Variants in PRKCQ observed in about 807,000 individuals in gnomAD.
PRKCQ encodes protein kinase C theta.
Under a neutral mutation model 91.2 loss-of-function variants are expected in PRKCQ, and 41 were observed. The ratio of observed to expected loss-of-function variants is 0.45; its 90% CI spans 0.35 to 0.58. The LOEUF (loss-of-function observed/expected upper bound fraction) is 0.58. Ranked by LOEUF, PRKCQ falls within the 20% of genes least tolerant of loss-of-function variation. The pLI, the probability that PRKCQ is intolerant of heterozygous loss-of-function variation, is 0.00. For missense variants in PRKCQ, 673 were observed against 896.5 expected (o/e 0.75, Z 3.18); for synonymous variants, 307 against 316.9 (o/e 0.97, Z 0.33).
chr10:6,468,049 T>A (rs745681725), intron 12 of PRKCQ, among the ~76,000 whole-genome samples: 30 of 152,102 alleles, frequency 2.0e-4, no homozygotes, highest in Admixed American at 4.6e-4. Context: ...TTAAAAAAAA[T>A]GATGATTAAA....
chr10:6,458,707 C>T (rs2132315350), intron 14 of PRKCQ, among the ~76,000 whole-genome samples: 1 of 152,262 alleles, frequency 6.6e-6, no homozygotes, highest in African/African-American at 2.4e-5. Flanking sequence ...GGGACCATGA[C>T]ACTTGCCTTG....
At chr10:6,525,776 G>A (rs1053970783) in intron 1 of PRKCQ, among the ~76,000 whole-genome samples, 2 of 152,088 alleles carry the variant, frequency 1.3e-5, no homozygotes, top group African/African-American at 4.8e-5. Context: ...TCTTTGAGGG[G>A]GATCTGCTGG....
chr10:6,411,714 T>C, the PRKCQ span, among the ~76,000 whole-genome samples: 1 of 152,330 alleles, frequency 6.6e-6, no homozygotes, highest in Non-Finnish European at 1.5e-5. Context: ...AAATATTGGC[T>C]AAATTGTCCT....
intron 8 of PRKCQ, among the ~76,000 whole-genome samples, chr10:6,490,548 A>T (rs1169248041): frequency 6.8e-6 from 1 of 146,322 alleles, no homozygotes; most frequent in Non-Finnish European, 1.5e-5. Flanking sequence ...CAACATAGCA[A>T]GACCATACCT....
intron 12 of PRKCQ, among the ~76,000 whole-genome samples, chr10:6,466,854 G>T (rs1835681540): frequency 6.6e-6 from 1 of 152,096 alleles, no homozygotes; most frequent in South Asian, 2.1e-4. Flanking sequence ...AAACCAAGAA[G>T]AATGAGACTC....
chr10:6,571,741 T>C (rs1480865817), intron 1 of PRKCQ, among the ~76,000 whole-genome samples: 1 of 152,150 alleles, frequency 6.6e-6, no homozygotes, highest in East Asian at 1.9e-4. Flanking sequence ...GAGGCAGATG[T>C]TGCAGTGAGC....
the PRKCQ span, among the ~76,000 whole-genome samples, chr10:6,407,035 A>G: frequency 1.3e-5 from 2 of 152,242 alleles, no homozygotes; most frequent in African/African-American, 4.8e-5. This position sits in a 1 kb window ranked among gnomAD's most constrained non-coding sequence, Gnocchi z 4.0. Context: ...TCAATGAGTG[A>G]AGTTTAAAAA....
At chr10:6,422,396 T>G (rs1201059415), downstream of PRKCQ, among the ~76,000 whole-genome samples, 2 of 152,048 alleles carry the variant, frequency 1.3e-5, no homozygotes, top group Non-Finnish European at 2.9e-5. Flanking sequence ...ACATCGGGGG[T>G]GAGGCTGGGT....
chr10:6,579,052 G>A (rs185777296), intron 1 of PRKCQ, among the ~76,000 whole-genome samples: 58 of 152,306 alleles, frequency 3.8e-4, no homozygotes, highest in African/African-American at 1.3e-3. Context: ...CCTCTCTCAC[G>A]GAGCCTCACG....
intron 1 of PRKCQ, among the ~76,000 whole-genome samples, chr10:6,564,422 C>G (rs1241683562): frequency 6.6e-6 from 1 of 152,172 alleles, no homozygotes; most frequent in Non-Finnish European, 1.5e-5. Flanking sequence ...TGCCACTGTA[C>G]TGCTCGCCCA....
intron 17 of PRKCQ, among the ~76,000 whole-genome samples, chr10:6,429,904 G>GAGAT (rs966059625): frequency 1.1e-4 from 16 of 140,826 alleles, no homozygotes; most frequent in African/African-American, 3.8e-4. Flanking sequence ...TAATTTTGTA[G>GAGAT]AGATGGGGTT....
At chr10:6,507,120 T>C (rs1838237847) in intron 4 of PRKCQ, among the ~76,000 whole-genome samples, 1 of 152,232 alleles carries the variant, frequency 6.6e-6, no homozygotes, top group African/African-American at 2.4e-5. Flanking sequence ...TGTACACACA[T>C]AACCACACAT....
chr10:6,496,229 A>G (rs2130815770), intron 7 of PRKCQ, among the ~76,000 whole-genome samples: 1 of 151,826 alleles, frequency 6.6e-6, no homozygotes, highest in Admixed American at 6.6e-5. Flanking sequence ...AAAAAAAAAA[A>G]AAAAAAAAAA....
chr10:6,523,061 G>A (rs1299782299), intron 1 of PRKCQ, among the ~76,000 whole-genome samples: 1 of 152,094 alleles, frequency 6.6e-6, no homozygotes, highest in Non-Finnish European at 1.5e-5. Context: ...GTTGGGTAGC[G>A]TTTTGCTTTG....
intron 1 of PRKCQ, among the ~76,000 whole-genome samples, chr10:6,566,788 A>C (rs1192195042): frequency 6.6e-6 from 1 of 152,100 alleles, no homozygotes; most frequent in Non-Finnish European, 1.5e-5. Context: ...GCCAGGAAGA[A>C]GTCAGTGCAC....
At chr10:6,523,351 CA>C (rs1246025889) in intron 1 of PRKCQ, among the ~76,000 whole-genome samples, 1 of 151,840 alleles carries the variant, frequency 6.6e-6, no homozygotes, top group Non-Finnish European at 1.5e-5. Flanking sequence ...CTCGGGAGGC[CA>C]AAGTGGAAGG....
At chr10:6,404,505 CTG>C in the PRKCQ span, among the ~76,000 whole-genome samples, 2 of 144,174 alleles carry the variant, frequency 1.4e-5, no homozygotes, top group African/African-American at 5.2e-5. Context: ...CTTTCTTTCT[CTG>C]TCTCTCCTTC....
At chr10:6,431,027 C>T (rs1833393125) in intron 16 of PRKCQ, 89 bp from the exon 17 acceptor site, 1 of 1,479,026 alleles carries the variant, frequency 6.8e-7, no homozygotes, top group African/African-American at 1.4e-5. Flanking sequence ...GCACCAGCCC[C>T]TTCTTTTCTA....
At chr10:6,415,453 T>TATAC in the PRKCQ span, among the ~76,000 whole-genome samples, 1 of 98,254 alleles carries the variant, frequency 1.0e-5, no homozygotes, top group Non-Finnish European at 2.0e-5. Flanking sequence ...TATATATATA[T>TATAC]ATACACTTAC....
Sources: gnomAD v4.1 joint callset for allele counts (sites outside exome capture counted in the v4.1 genomes callset) on GRCh38, gnomAD v4.1.1 for gene constraint, Gnocchi (gnomAD v3.1) non-coding constraint, MANE v1.5 for transcripts, NCBI Gene and HGNC (gene_info 2026-07-23, HGNC 2026-07-21) for gene names.